The following NELL2 variants were observed in gnomAD, a reference collection of about 807,000 sequenced individuals.
NELL2 encodes neural EGFL like 2.
Under a neutral mutation model 109.6 loss-of-function variants are expected in NELL2, and 41 were observed. That is an observed-to-expected ratio of 0.37 (90% CI 0.29 to 0.49). The LOEUF (loss-of-function observed/expected upper bound fraction) is 0.49. Ranked by LOEUF, NELL2 falls within the 20% of genes least tolerant of loss-of-function variation. NELL2 has a pLI of 0.98. For missense variants in NELL2, 900 were observed against 1,008.3 expected, an observed-to-expected ratio of 0.89 and a Z score of 1.45; for synonymous variants, 355 against 344.7, an observed-to-expected ratio of 1.03 and a Z score of -0.33.
At chr12:44,879,892 C>T (rs865968603), upstream of NELL2, among the ~76,000 whole-genome samples, 2 of 151,510 alleles carry the variant, frequency 1.3e-5, no homozygotes, top group African/African-American at 4.9e-5. Flanking sequence ...GTACAAGGTC[C>T]GAGATCACAC....
intron 9 of NELL2, among the ~76,000 whole-genome samples, chr12:44,763,585 G>A (rs1566337056): frequency 6.6e-6 from 1 of 152,108 alleles, no homozygotes; most frequent in Non-Finnish European, 1.5e-5. Flanking sequence ...AAAAAGGCTT[G>A]AATAGGTTAA....
chr12:44,660,623 T>C (rs1287218803), intron 13 of NELL2, among the ~76,000 whole-genome samples: 2 of 152,140 alleles, frequency 1.3e-5, no homozygotes, highest in Non-Finnish European at 2.9e-5. Context: ...ATCAATTTAA[T>C]CCCTAGGCTG....
At chr12:44,597,381 C>T (rs1945009892) in intron 15 of NELL2, among the ~76,000 whole-genome samples, 3 of 152,190 alleles carry the variant, frequency 2.0e-5, no homozygotes, top group Admixed American at 2.0e-4. Flanking sequence ...TTGCTGATAG[C>T]CTCTTAAAAC....
At chr12:44,731,834 T>C (rs1278675357) in intron 9 of NELL2, among the ~76,000 whole-genome samples, 2 of 152,056 alleles carry the variant, frequency 1.3e-5, no homozygotes, top group East Asian at 3.8e-4. Flanking sequence ...AAAACCCTGA[T>C]TCCACAAAAG....
At chr12:44,915,054 T>C (rs1221532824), upstream of NELL2, among the ~76,000 whole-genome samples, 1 of 152,088 alleles carries the variant, frequency 6.6e-6, no homozygotes, top group African/African-American at 2.4e-5. Context: ...GGTTTCACCG[T>C]GTTAGCCAGG....
At chr12:44,595,458 G>C (rs1398659213) in intron 15 of NELL2, among the ~76,000 whole-genome samples, 14 of 152,160 alleles carry the variant, frequency 9.2e-5, no homozygotes, top group Admixed American at 8.5e-4. Context: ...ATGGAGTCTC[G>C]CTCTGTCGCC....
intron 3 of NELL2, among the ~76,000 whole-genome samples, chr12:44,781,696 AGT>A (rs1941965508): frequency 6.6e-6 from 1 of 152,114 alleles, no homozygotes; most frequent in Non-Finnish European, 1.5e-5. Flanking sequence ...TTAGAGTGAC[AGT>A]GTGTTTCTCA....
At chr12:44,783,594 CA>C (rs1454672658) in intron 3 of NELL2, among the ~76,000 whole-genome samples, 1 of 143,596 alleles carries the variant, frequency 7.0e-6, no homozygotes, top group Non-Finnish European at 1.5e-5. Context: ...ACAAATGACA[CA>C]AAATGAACTA....
chr12:44,755,885 T>C (rs908776558), intron 9 of NELL2, among the ~76,000 whole-genome samples: 4 of 152,206 alleles, frequency 2.6e-5, no homozygotes, highest in Non-Finnish European at 5.9e-5. Flanking sequence ...ACTTTTCTCA[T>C]GCCTACATCT....
chr12:44,885,014 C>G (rs1378996681), intron 1 of NELL2, among the ~76,000 whole-genome samples: 1 of 151,952 alleles, frequency 6.6e-6, no homozygotes, highest in Admixed American at 6.5e-5. Flanking sequence ...TGTGGTGGCT[C>G]CCCCCTGTAA....
intron 13 of NELL2, among the ~76,000 whole-genome samples, chr12:44,639,865 T>G (rs934463756): frequency 1.3e-5 from 2 of 152,132 alleles, no homozygotes; most frequent in African/African-American, 4.8e-5. Flanking sequence ...TTTCAGACTC[T>G]GCATGATCGG....
intron 9 of NELL2, among the ~76,000 whole-genome samples, chr12:44,731,316 T>C (rs1939358457): frequency 6.6e-6 from 1 of 151,982 alleles, no homozygotes; most frequent in Non-Finnish European, 1.5e-5. Flanking sequence ...CAAGCCAGTA[T>C]CCCAGAGAAA....
intron 12 of NELL2, among the ~76,000 whole-genome samples, chr12:44,669,731 T>G (rs182614737): frequency 1.4e-4 from 22 of 152,084 alleles, no homozygotes; most frequent in Admixed American, 1.4e-3. Flanking sequence ...ATAAGAAGAA[T>G]AAAATGAAAT....
chr12:44,605,773 C>T (rs574551793), intron 15 of NELL2, among the ~76,000 whole-genome samples: 1 of 152,160 alleles, frequency 6.6e-6, no homozygotes, highest in African/African-American at 2.4e-5. Flanking sequence ...GTACCAGAAG[C>T]GGCACACAAA....
intron 3 of NELL2, among the ~76,000 whole-genome samples, chr12:44,791,727 G>A (rs1053058832): frequency 6.6e-6 from 1 of 152,074 alleles, no homozygotes; most frequent in African/African-American, 2.4e-5. Context: ...GATTGAGATG[G>A]AGACTATAAG....
chr12:44,562,767 G>C (rs10785504), intron 15 of NELL2, among the ~76,000 whole-genome samples: 129,343 of 152,236 alleles, frequency 0.85, 55,365 homozygotes, highest in East Asian at 1. Flanking sequence ...GGCAATTCCT[G>C]AAGGATCTAG....
intron 19 of NELL2, among the ~76,000 whole-genome samples, chr12:44,512,577 T>C (rs1941048258): frequency 6.6e-6 from 1 of 152,032 alleles, no homozygotes; most frequent in Admixed American, 6.6e-5. Context: ...AACCTAAATG[T>C]CTATCAACAG....
At chr12:44,890,945 G>T (rs1424664773) in intron 1 of NELL2, among the ~76,000 whole-genome samples, 1 of 152,134 alleles carries the variant, frequency 6.6e-6, no homozygotes, top group Admixed American at 6.5e-5. Context: ...AGCAAGGCTG[G>T]TCTTGAACTC....
intron 11 of NELL2, among the ~76,000 whole-genome samples, chr12:44,707,921 T>C (rs1813861172): frequency 6.6e-6 from 1 of 152,190 alleles, no homozygotes; most frequent in African/African-American, 2.4e-5. Context: ...AAAGGAGAAC[T>C]GACACTAACT....
Sources: allele counts gnomAD v4.1 joint callset (sites outside exome capture counted in the v4.1 genomes callset), GRCh38; gene constraint gnomAD v4.1.1; transcripts MANE v1.5; gene names NCBI Gene and HGNC (gene_info 2026-07-23, HGNC 2026-07-21).